The following GPC6 variants were observed in gnomAD, a reference collection of about 807,000 sequenced individuals.
The protein encoded by GPC6 is glypican-6.
A neutral mutation model predicts 55.2 loss-of-function variants in GPC6; 14 were observed. That is an observed-to-expected ratio of 0.25 (90% CI 0.17 to 0.40). The LOEUF is 0.40. GPC6 is among the 10% of genes least tolerant of loss of function. GPC6 has a pLI of 1.00. For synonymous variants in GPC6, 278 were observed against 259.6 expected (o/e 1.07, Z -0.68); for missense variants, 641 against 708.5 (o/e 0.90, Z 1.08).
chr13:93,980,443 T>C (rs1880744860), intron 3 of GPC6, among the ~76,000 whole-genome samples: 1 of 152,144 alleles, frequency 6.6e-6, no homozygotes, highest in African/African-American at 2.4e-5. Context: ...TAGGACTTCC[T>C]AAAAGGAGCC....
intron 1 of GPC6, among the ~76,000 whole-genome samples, chr13:93,470,745 T>C (rs924210815): frequency 6.6e-6 from 1 of 152,136 alleles, no homozygotes; most frequent in African/African-American, 2.4e-5. Context: ...TTTAGTAGAA[T>C]CTGCCAGTTA....
At chr13:94,197,923 G>A (rs1889631669) in intron 4 of GPC6, among the ~76,000 whole-genome samples, 2 of 152,166 alleles carry the variant, frequency 1.3e-5, no homozygotes, top group Admixed American at 1.3e-4. Context: ...CTAATGTTTA[G>A]CATGTTAAAT....
intron 1 of GPC6, among the ~76,000 whole-genome samples, chr13:93,335,211 G>A (rs934937887): frequency 4.6e-5 from 7 of 152,258 alleles, no homozygotes; most frequent in Admixed American, 2.6e-4. Context: ...GTTGTATGCC[G>A]TAAAAATACC....
At chr13:93,911,294 A>C (rs1418664633) in intron 3 of GPC6, among the ~76,000 whole-genome samples, 2 of 152,174 alleles carry the variant, frequency 1.3e-5, no homozygotes, top group Non-Finnish European at 2.9e-5. Context: ...CCGACAAGAG[A>C]TAGCTATACC....
At chr13:93,385,199 G>C (rs1293494608) in intron 1 of GPC6, among the ~76,000 whole-genome samples, 1 of 152,220 alleles carries the variant, frequency 6.6e-6, no homozygotes, top group African/African-American at 2.4e-5. Flanking sequence ...CGGCACTGAA[G>C]GTAGCTCCGA....
At chr13:93,835,506 A>C (rs1481580197) in intron 3 of GPC6, among the ~76,000 whole-genome samples, 3 of 152,138 alleles carry the variant, frequency 2.0e-5, no homozygotes, top group Non-Finnish European at 4.4e-5. Context: ...TAATTTGAGC[A>C]CTTTGGGAGG....
intron 1 of GPC6, among the ~76,000 whole-genome samples, chr13:93,524,471 C>T (rs886217356): frequency 6.6e-6 from 1 of 152,038 alleles, no homozygotes; most frequent in South Asian, 2.1e-4. Context: ...TTGACTGCTT[C>T]AGTCCTTATG....
intron 4 of GPC6, among the ~76,000 whole-genome samples, chr13:94,140,369 G>T (rs929157315): frequency 6.6e-6 from 1 of 152,176 alleles, no homozygotes; most frequent in African/African-American, 2.4e-5. Flanking sequence ...GACACTGGGG[G>T]CCTGGATAAC....
rs1884042747 is a variant in GPC6, at chr13:94,053,929, T to C, written c.877+26035T>C. Among the ~76,000 whole-genome samples, 3 of 151,946 alleles carry C rather than the reference T, an allele frequency of 2.0e-5. No individual in the cohort carries two copies. In the South Asian group the frequency reaches 6.2e-4, roughly 32 times the overall value. On this transcript the variant is annotated intron_variant, in intron 4 of 8. Transcript: ENST00000377047. ...TTTAAAAGATATTAGCTGAAATGGA[T>C]GGTGGAGCTGAAAAAAAAGAGAGGG...
chr13:93,577,545 A>G (rs1876723163), intron 2 of GPC6, among the ~76,000 whole-genome samples: 1 of 151,922 alleles, frequency 6.6e-6, no homozygotes. Context: ...TGATTTTTGT[A>G]TGTTGATTTT....
chr13:93,426,535 A>G (rs918512262), intron 1 of GPC6, among the ~76,000 whole-genome samples: 6 of 151,790 alleles, frequency 4.0e-5, no homozygotes, highest in African/African-American at 9.7e-5. Flanking sequence ...ATGATTTCCA[A>G]TTTCATCCAT....
intron 4 of GPC6, among the ~76,000 whole-genome samples, chr13:94,129,079 A>G (rs992183420): frequency 1.3e-5 from 2 of 152,190 alleles, no homozygotes; most frequent in African/African-American, 4.8e-5. Flanking sequence ...TGAAGTTATT[A>G]AATTGTGGCA....
At chr13:93,942,002 C>T (rs751506952) in intron 3 of GPC6, among the ~76,000 whole-genome samples, 5 of 152,128 alleles carry the variant, frequency 3.3e-5, no homozygotes, top group African/African-American at 4.8e-5. Flanking sequence ...ACACCAGCTG[C>T]GTTGGTCCAG....
intron 5 of GPC6, among the ~76,000 whole-genome samples, chr13:94,297,229 C>T (rs1472245254): frequency 6.6e-6 from 1 of 152,114 alleles, no homozygotes; most frequent in Non-Finnish European, 1.5e-5. Context: ...CTCTTGGGAG[C>T]AGGGACGTGT....
chr13:93,227,868 C>T lies in GPC6; in HGVS notation c.160+252C>T, dbSNP rs1875857050. 6.6e-6 allele frequency among the ~76,000 whole-genome samples: 1 copy of T among 152,178 alleles called. No individual in the cohort carries two copies. Among genetic ancestry groups the T allele is most frequent in the South Asian group, 2.1e-4 (1 of 4,836 alleles). ...CCTGGCTCCCGCCTCCCGCTGCTCT[C>T]GCGCCCTTCTACCCCTTAGTTGATG... is the stretch of plus-strand genomic sequence containing the variant. On this transcript the variant is annotated intron_variant, in intron 1 of 8. Transcript: ENST00000377047. The surrounding 1 kb of genome is among the most constrained non-coding windows in gnomAD (Gnocchi z 4.3).
intron 2 of GPC6, among the ~76,000 whole-genome samples, chr13:93,761,936 T>C (rs946936986): frequency 6.6e-6 from 1 of 152,186 alleles, no homozygotes; most frequent in African/African-American, 2.4e-5. Flanking sequence ...ATAGTTGCCA[T>C]CTGTCCAATA....
chr13:93,542,631 T>C (rs1015438211), intron 1 of GPC6, among the ~76,000 whole-genome samples: 19 of 152,272 alleles, frequency 1.2e-4, no homozygotes, highest in Non-Finnish European at 2.1e-4. Flanking sequence ...GCCATTTTCG[T>C]GATATTGATT....
At chr13:94,122,321 A>T (rs1886660259) in intron 4 of GPC6, among the ~76,000 whole-genome samples, 1 of 152,066 alleles carries the variant, frequency 6.6e-6, no homozygotes, top group Admixed American at 6.6e-5. Flanking sequence ...GGAGCAGGAA[A>T]ATTAGATACT....
chr13:93,933,821 T>C (rs1473498886), intron 3 of GPC6, among the ~76,000 whole-genome samples: 2 of 152,208 alleles, frequency 1.3e-5, no homozygotes, highest in African/African-American at 2.4e-5. Context: ...TTACCAACTA[T>C]TGTTTAGAAA....
Sources: allele counts gnomAD v4.1 joint callset (sites outside exome capture counted in the v4.1 genomes callset), GRCh38; gene constraint gnomAD v4.1.1; non-coding constraint Gnocchi (gnomAD v3.1); transcripts MANE v1.5; gene names NCBI Gene and HGNC (gene_info 2026-07-23, HGNC 2026-07-21).